The following ABCB11 variants were observed in gnomAD, a reference collection of about 807,000 sequenced individuals.
ABCB11 encodes ATP binding cassette subfamily B member 11, also known as bile salt export pump.
ABCB11 carries 95 observed loss-of-function variants against 148.0 expected under a neutral mutation model. That is an observed-to-expected ratio of 0.64 (90% CI 0.54 to 0.76). The LOEUF (loss-of-function observed/expected upper bound fraction) is 0.76. Ranked by LOEUF, ABCB11 falls within the 30% of genes least tolerant of loss-of-function variation. ABCB11 has a pLI of 0.00. For synonymous variants in ABCB11, 591 were observed against 555.4 expected, an observed-to-expected ratio of 1.06 and a Z score of -0.90; for missense variants, 1,523 against 1,617.8, an observed-to-expected ratio of 0.94 and a Z score of 1.01.
At chr2:169,023,777 T>C (rs1406761208) in intron 1 of ABCB11, among the ~76,000 whole-genome samples, 1 of 152,152 alleles carries the variant, frequency 6.6e-6, no homozygotes, top group Non-Finnish European at 1.5e-5. Flanking sequence ...AGCACTGAAT[T>C]AACGATAGTG....
intron 5 of ABCB11, among the ~76,000 whole-genome samples, chr2:168,997,068 T>C (rs1279297736): frequency 1.3e-5 from 2 of 151,982 alleles, no homozygotes; most frequent in Non-Finnish European, 2.9e-5. Context: ...CAGGGCTTGG[T>C]CCACTTTAGT....
chr2:168,944,576 A>G (rs1355502355), intron 21 of ABCB11, 29 bp downstream of exon 21: 1 of 1,562,160 alleles, frequency 6.4e-7, no homozygotes, highest in Non-Finnish European at 8.6e-7. Context: ...TGCAGTTAAT[A>G]TACTTCTATT....
chr2:168,957,797 C>T (rs1692862910), intron 19 of ABCB11, among the ~76,000 whole-genome samples, 167 bp downstream of exon 19: 2 of 151,584 alleles, frequency 1.3e-5, no homozygotes, highest in Non-Finnish European at 3.0e-5. Flanking sequence ...TCAGCTTTGC[C>T]TTCTTACCCT....
At chr2:168,993,573 G>A (rs1367472209) in intron 8 of ABCB11, 138 bp downstream of exon 8, 5 of 729,158 alleles carry the variant, frequency 6.9e-6, no homozygotes, top group Non-Finnish European at 1.1e-5. Flanking sequence ...ACACTGGGGA[G>A]TAATCTAACA....
At chr2:168,991,983 A>C (rs1383232794) in intron 8 of ABCB11, among the ~76,000 whole-genome samples, 1 of 151,626 alleles carries the variant, frequency 6.6e-6, no homozygotes, top group East Asian at 1.9e-4. Context: ...GACTATAGGC[A>C]CATGCCACCA....
In ABCB11 at chr2:168,932,369, A is replaced by G. The variant is rs1360097270; in HGVS notation, c.3213+8T>C. ...TTTTTTATGGCTGCATAGTATTCCAACACTTACCCATTTTTCACCTGCAGT... is the reference window on the plus strand; with the variant it reads ...TTTTTTATGGCTGCATAGTATTCCAGCACTTACCCATTTTTCACCTGCAGT... On this transcript the variant is annotated splice_region_variant and intron_variant, in intron 24 of 27. Coordinates refer to ENST00000650372, the MANE Select transcript of ABCB11 (RefSeq NM_003742.4). 2 of 1,552,756 alleles carry G rather than the reference A, an allele frequency of 1.3e-6. No individual in the cohort carries two copies. The highest frequency in any genetic ancestry group is 1.2e-5 in the South Asian group (1 of 84,164).
At chr2:168,958,308 G>C (rs1403955111) in intron 18 of ABCB11, among the ~76,000 whole-genome samples, 180 bp from the exon 19 acceptor site, 1 of 151,654 alleles carries the variant, frequency 6.6e-6, no homozygotes, top group Non-Finnish European at 1.5e-5. Flanking sequence ...AACTATTGCT[G>C]TGGCTTGAAT....
At chr2:169,014,463 A>G (rs934307822) in intron 3 of ABCB11, 109 bp from the exon 4 acceptor site, 2 of 1,065,402 alleles carry the variant, frequency 1.9e-6, no homozygotes, top group African/African-American at 1.6e-5. Flanking sequence ...GAAAATCCCC[A>G]CTGGCTGGAA....
intron 4 of ABCB11, among the ~76,000 whole-genome samples, 182 bp downstream of exon 4, chr2:169,014,121 T>G (rs1382702685): frequency 9.9e-5 from 15 of 152,204 alleles, no homozygotes; most frequent in Non-Finnish European, 1.5e-5. Context: ...TTTGTATGCT[T>G]TATGAGCAAT....
intron 22 of ABCB11, among the ~76,000 whole-genome samples, 167 bp from the exon 23 acceptor site, chr2:168,935,592 C>T (rs1691784037): frequency 6.6e-6 from 1 of 152,150 alleles, no homozygotes; most frequent in Non-Finnish European, 1.5e-5. Flanking sequence ...CCCAACTGGA[C>T]CACGAGACAA....
At chr2:168,953,339 C>T (rs927295127) in intron 19 of ABCB11, among the ~76,000 whole-genome samples, 1 of 151,076 alleles carries the variant, frequency 6.6e-6, no homozygotes, top group Non-Finnish European at 1.5e-5. Flanking sequence ...CCCTATCTTT[C>T]TTTAGTTTTG....
At chr2:168,916,049 T>C (rs1212773360), downstream of ABCB11, among the ~76,000 whole-genome samples, 1 of 152,210 alleles carries the variant, frequency 6.6e-6, no homozygotes, top group Non-Finnish European at 1.5e-5. Context: ...TTATGAACAT[T>C]ATCAGGAAGT....
intron 21 of ABCB11, among the ~76,000 whole-genome samples, chr2:168,941,077 G>C (rs1258176543): frequency 6.6e-6 from 1 of 152,040 alleles, no homozygotes; most frequent in East Asian, 1.9e-4. Flanking sequence ...TGTTGTGCTT[G>C]TTAACCCAAC....
rs562106508 is a variant in ABCB11, at chr2:168,924,425, A to T, written c.3765+232T>A. ...TTGCCTTTGGAAAAAAATGTCACTT[A>T]GCCTAAAGAATCTTAAAAACAATTC... On this transcript the variant is annotated intron_variant, in intron 27 of 27. Transcript: ENST00000650372. Among the ~76,000 whole-genome samples, 7 of 152,324 alleles carry T rather than the reference A, an allele frequency of 4.6e-5. No individual in the cohort carries two copies. In the East Asian group the frequency reaches 1.2e-3, roughly 25 times the overall value.
At chr2:168,947,848 G>A (rs1164948433) in intron 19 of ABCB11, among the ~76,000 whole-genome samples, 1 of 151,610 alleles carries the variant, frequency 6.6e-6, no homozygotes, top group African/African-American at 2.4e-5. Flanking sequence ...CCATCTTAAG[G>A]TTTCTGGTTG....
chr2:168,936,802 G>C (rs1691851129), intron 21 of ABCB11, among the ~76,000 whole-genome samples: 1 of 151,998 alleles, frequency 6.6e-6, no homozygotes, highest in Non-Finnish European at 1.5e-5. Context: ...TCTGTGTCTG[G>C]CTTATTTTGC....
chr2:168,948,142 C>A (rs1692411720), intron 19 of ABCB11, among the ~76,000 whole-genome samples: 1 of 151,690 alleles, frequency 6.6e-6, no homozygotes, highest in Non-Finnish European at 1.5e-5. Context: ...TCAGAACTCT[C>A]CACAGCAGCT....
intron 25 of ABCB11, among the ~76,000 whole-genome samples, chr2:168,928,808 T>C (rs1691437831): frequency 6.6e-6 from 1 of 152,206 alleles, no homozygotes; most frequent in Non-Finnish European, 1.5e-5. Context: ...ATGGGCTTTC[T>C]AGGTTTATTG....
chr2:168,972,150 C>T, intron 13 of ABCB11, 100 bp from the exon 14 acceptor site: 1 of 1,031,204 alleles, frequency 9.7e-7, no homozygotes, highest in South Asian at 1.5e-5. Context: ...AAAATAGAGG[C>T]CAATAAGATT....
Sources: gnomAD v4.1 joint callset for allele counts (sites outside exome capture counted in the v4.1 genomes callset) on GRCh38, gnomAD v4.1.1 for gene constraint, MANE v1.5 for transcripts, NCBI Gene and HGNC (gene_info 2026-07-23, HGNC 2026-07-21) for gene names.